KSR1: variants seen among roughly 807,000 people sequenced by gnomAD.
The protein encoded by KSR1 is kinase suppressor of ras.
KSR1 carries 35 observed loss-of-function variants against 92.9 expected under a neutral mutation model. The observed-to-expected ratio is 0.38, with a 90% CI of 0.29 to 0.50. The LOEUF (loss-of-function observed/expected upper bound fraction) is 0.50. Ranked by LOEUF, KSR1 falls within the 20% of genes least tolerant of loss-of-function variation. The pLI, the probability that KSR1 is intolerant of heterozygous loss-of-function variation, is 0.94. For missense variants in KSR1, 972 were observed against 1,158.5 expected, an observed-to-expected ratio of 0.84 and a Z score of 2.34; for synonymous variants, 467 against 472.6, an observed-to-expected ratio of 0.99 and a Z score of 0.15.
At chr17:27,493,430 A>G (rs1386997552) in intron 1 of KSR1, among the ~76,000 whole-genome samples, 1 of 152,188 alleles carries the variant, frequency 6.6e-6, no homozygotes. Flanking sequence ...AACAGGGCAG[A>G]TTTTTTAAGT....
intron 2 of KSR1, among the ~76,000 whole-genome samples, chr17:27,569,215 G>A (rs2072208348): frequency 1.3e-5 from 2 of 152,216 alleles, no homozygotes; most frequent in African/African-American, 4.8e-5. Flanking sequence ...CTCTGTAGAA[G>A]CCTTCCCATC....
chr17:27,488,761 C>T (rs911987973), intron 1 of KSR1, among the ~76,000 whole-genome samples: 2 of 152,136 alleles, frequency 1.3e-5, no homozygotes, highest in African/African-American at 2.4e-5. Context: ...GTCAAGAGAT[C>T]GAGACCATTC....
chr17:27,478,927 C>T (rs1004522541), intron 1 of KSR1, among the ~76,000 whole-genome samples: 1 of 152,020 alleles, frequency 6.6e-6, no homozygotes, highest in East Asian at 1.9e-4. Flanking sequence ...CATCCATGCT[C>T]CTCCCTTCAT....
At chr17:27,490,384 T>TC (rs905488382) in intron 1 of KSR1, among the ~76,000 whole-genome samples, 10 of 152,242 alleles carry the variant, frequency 6.6e-5, no homozygotes, top group Non-Finnish European at 1.5e-4. Flanking sequence ...CATTTTATCT[T>TC]CCCCATTGTT....
chr17:27,527,069 G>A (rs2070334472), intron 1 of KSR1: 2 of 436,716 alleles, frequency 4.6e-6, no homozygotes, highest in Non-Finnish European at 8.8e-6. Context: ...GTGGGTCAGC[G>A]CCTGCAGGTA....
intron 19 of KSR1, among the ~76,000 whole-genome samples, chr17:27,618,016 C>T (rs1432729408): frequency 6.6e-6 from 1 of 152,210 alleles, no homozygotes; most frequent in Non-Finnish European, 1.5e-5. Flanking sequence ...GCACTGATAC[C>T]AGGCCAGGCC....
chr17:27,459,338 AC>A lies in KSR1; in HGVS notation c.231+2468del. ...CACAGGCCACCACTAGGGAAACTTAACCCCTACTGGACCCTTGCTAGGGAAA... is the reference window on the plus strand; with the variant it reads ...CACAGGCCACCACTAGGGAAACTTAACCCTACTGGACCCTTGCTAGGGAAA... On this transcript the variant is annotated intron_variant, in intron 1 of 20. Transcript: ENST00000644974. This position sits in a 1 kb window ranked among gnomAD's most constrained non-coding sequence, Gnocchi z 4.6. Among the ~76,000 whole-genome samples the A allele has an allele frequency of 6.6e-6, 1 of 152,170 alleles. No homozygotes were observed. The highest frequency in any genetic ancestry group is 2.4e-5 in the African/African-American group (1 of 41,510).
chr17:27,539,823 A>G (rs1457609069), intron 1 of KSR1, among the ~76,000 whole-genome samples: 1 of 152,226 alleles, frequency 6.6e-6, no homozygotes, highest in Non-Finnish European at 1.5e-5. Flanking sequence ...AAGACAGATC[A>G]TTTACTGACT....
rs749627990 is a variant in KSR1, at chr17:27,456,739, C to G, written c.96C>G (p.Ala32=). The change falls in exon 1 of 21, where the codon GCC becomes GCG. Residue 32 remains alanine (A), a synonymous_variant. Coordinates refer to ENST00000644974, the MANE Select transcript of KSR1 (RefSeq NM_001394583.1). ...DAAAAEGGAG[A]AASRALQQCG... Reference sequence around the variant, plus strand: ...CGGCCGCGGAGGGAGGCGCAGGGGCCGCGGCCAGCCGGGCGCTGCAGCAGT... The same window carrying G: ...CGGCCGCGGAGGGAGGCGCAGGGGCGGCGGCCAGCCGGGCGCTGCAGCAGT... 1 of 1,453,740 alleles carries G rather than the reference C, an allele frequency of 6.9e-7. No homozygotes were observed. Among genetic ancestry groups the G allele is most frequent in the East Asian group, 2.3e-5 (1 of 43,510 alleles). 90.1% of individuals were successfully genotyped at this position (1,453,740 alleles called of 1,614,324 possible).
At chr17:27,460,853 A>G (rs1244363783) in intron 1 of KSR1, among the ~76,000 whole-genome samples, 1 of 152,108 alleles carries the variant, frequency 6.6e-6, no homozygotes, top group Non-Finnish European at 1.5e-5. Flanking sequence ...ACCTTTAGTT[A>G]CTGTTGATGT....
intron 2 of KSR1, among the ~76,000 whole-genome samples, chr17:27,551,096 A>G (rs982330733): frequency 2.0e-5 from 3 of 152,188 alleles, no homozygotes; most frequent in African/African-American, 7.2e-5. Flanking sequence ...GCCATTTTAT[A>G]CTCGAGGAAA....
chr17:27,583,452 T>G (rs1006868620), intron 4 of KSR1, among the ~76,000 whole-genome samples: 3 of 152,222 alleles, frequency 2.0e-5, no homozygotes, highest in African/African-American at 4.8e-5. Context: ...CCATCATGGG[T>G]CAGCCTCCTT....
chr17:27,575,060 A>G (rs539366858), intron 2 of KSR1, among the ~76,000 whole-genome samples: 1 of 152,242 alleles, frequency 6.6e-6, no homozygotes, highest in South Asian at 2.1e-4. Context: ...GTTGCTGGAT[A>G]TAGGGGTCCC....
At chr17:27,557,198 C>G (rs979223823) in intron 2 of KSR1, among the ~76,000 whole-genome samples, 2 of 152,224 alleles carry the variant, frequency 1.3e-5, no homozygotes, top group Non-Finnish European at 2.9e-5. Flanking sequence ...CTAGACCCCT[C>G]TCTGCCTGAC....
intron 1 of KSR1, among the ~76,000 whole-genome samples, chr17:27,484,300 C>G (rs367986519): frequency 7.9e-5 from 12 of 152,240 alleles, no homozygotes; most frequent in Non-Finnish European, 1.6e-4. Flanking sequence ...GGCACAATTT[C>G]GGCTCATTGC....
intron 1 of KSR1, among the ~76,000 whole-genome samples, chr17:27,501,292 CTTTTTTTTTT>C: frequency 2.6e-3 from 127 of 49,726 alleles, no homozygotes; most frequent in Non-Finnish European, 3.3e-3. Flanking sequence ...TTCTTTTCTT[CTTTTTTTTTT>C]TTTTTTTTTT....
chr17:27,470,688 T>C (rs1433843952), intron 1 of KSR1, among the ~76,000 whole-genome samples: 4 of 152,106 alleles, frequency 2.6e-5, no homozygotes, highest in African/African-American at 9.7e-5. Context: ...TCCATTTAAC[T>C]CCTGTTGAAT....
intron 19 of KSR1, chr17:27,620,913 A>C: frequency 4.8e-5 from 14 of 293,464 alleles, no homozygotes; most frequent in East Asian, 2.2e-4. Context: ...CTTCGAGGAA[A>C]GCATGCGGGC....
chr17:27,545,604 G>A (rs183351934), intron 1 of KSR1, among the ~76,000 whole-genome samples: 54 of 152,350 alleles, frequency 3.5e-4, no homozygotes, highest in African/African-American at 1.3e-3. Context: ...AACACCAGCT[G>A]GACCCCCACC....
Sources: gnomAD v4.1 joint callset for allele counts (sites outside exome capture counted in the v4.1 genomes callset) on GRCh38, gnomAD v4.1.1 for gene constraint, Gnocchi (gnomAD v3.1) non-coding constraint, MANE v1.5 for transcripts, NCBI Gene and HGNC (gene_info 2026-07-23, HGNC 2026-07-21) for gene names.